Variants in MINPP1 observed in about 807,000 individuals in gnomAD.
MINPP1 encodes multiple inositol polyphosphate phosphatase 1.
In MINPP1, 28 loss-of-function variants were observed where a neutral mutation model predicts 46.1. The observed-to-expected ratio is 0.61, with a 90% CI of 0.45 to 0.83. MINPP1 has a LOEUF of 0.83. Ranked by LOEUF, MINPP1 falls within the 40% of genes least tolerant of loss-of-function variation. MINPP1 has a pLI of 0.00. For missense variants in MINPP1, 603 were observed against 610.0 expected (o/e 0.99, Z 0.12); for synonymous variants, 268 against 249.1 (o/e 1.08, Z -0.72).
At chr10:87,522,849 T>G (rs1851522023) in intron 4 of MINPP1, among the ~76,000 whole-genome samples, 1 of 152,210 alleles carries the variant, frequency 6.6e-6, no homozygotes, top group African/African-American at 2.4e-5. Context: ...TAATAACATT[T>G]TACCCACAGT....
At chr10:87,517,575 C>T (rs991646303) in intron 3 of MINPP1, among the ~76,000 whole-genome samples, 6 of 152,060 alleles carry the variant, frequency 3.9e-5, no homozygotes, top group South Asian at 2.1e-4. Context: ...CATATAGCTA[C>T]AATTTTTAAT....
chr10:87,529,586 TG>T (rs1206744233), intron 4 of MINPP1, among the ~76,000 whole-genome samples: 2 of 152,258 alleles, frequency 1.3e-5, no homozygotes, highest in East Asian at 3.8e-4. Context: ...GTTAGTCTGA[TG>T]GGCTTCCCTT....
rs1214311389 is a variant in MINPP1, at chr10:87,505,622, C to T, written c.637+70C>T. On this transcript the variant is annotated intron_variant, in intron 1 of 4. Coordinates refer to ENST00000371996, the MANE Select transcript of MINPP1 (RefSeq NM_004897.5). This position sits in a 1 kb window ranked among gnomAD's most constrained non-coding sequence, Gnocchi z 4.4. ...GCCCTGGATGCTCTCCCGCCTCCCC[C>T]AGACCCTGGGCTTTTCCGATGCCCC... 1 of 1,463,300 alleles carries T rather than the reference C, an allele frequency of 6.8e-7. No individual in the cohort carries two copies. Among genetic ancestry groups the T allele is most frequent in the African/African-American group, 1.4e-5 (1 of 71,784 alleles). 90.6% of individuals were successfully genotyped at this position (1,463,300 alleles called of 1,614,324 possible). A position where few individuals can be genotyped will look rare whatever the true frequency, so the allele number is the denominator to read the frequency against.
At chr10:87,538,014 A>G (rs1470587942) in intron 4 of MINPP1, among the ~76,000 whole-genome samples, 1 of 151,558 alleles carries the variant, frequency 6.6e-6, no homozygotes, top group Non-Finnish European at 1.5e-5. Context: ...TGTGTTGCCC[A>G]GGCTGGTCTC....
intron 3 of MINPP1, among the ~76,000 whole-genome samples, chr10:87,514,662 C>G (rs932381075): frequency 3.3e-5 from 5 of 152,128 alleles, no homozygotes; most frequent in African/African-American, 7.2e-5. Context: ...AGTGATATAT[C>G]CTTCTCAGTG....
At chr10:87,506,255 C>G (rs879768201) in intron 1 of MINPP1, among the ~76,000 whole-genome samples, 4 of 151,824 alleles carry the variant, frequency 2.6e-5, no homozygotes, top group African/African-American at 4.8e-5. Context: ...AGTAAGGCCC[C>G]GTTATTTCAC....
At chr10:87,534,042 ATTTTTTTT>A (rs58579107) in intron 4 of MINPP1, among the ~76,000 whole-genome samples, 4 of 55,374 alleles carry the variant, frequency 7.2e-5, no homozygotes, top group Non-Finnish European at 1.3e-4. Context: ...CTGGCTAAAT[ATTTTTTTT>A]TTTTTTTTTT....
intron 4 of MINPP1, among the ~76,000 whole-genome samples, chr10:87,540,016 G>A (rs948477904): frequency 1.3e-5 from 2 of 152,148 alleles, no homozygotes; most frequent in South Asian, 2.1e-4. Context: ...ACAGGCATGC[G>A]CCACAGCGCC....
chr10:87,529,204 T>G (rs1157583564), intron 4 of MINPP1, among the ~76,000 whole-genome samples: 1 of 152,240 alleles, frequency 6.6e-6, no homozygotes, highest in Non-Finnish European at 1.5e-5. Flanking sequence ...ATTTAGCCCA[T>G]TTACATTTAA....
chr10:87,542,844 G>C (rs930364677), intron 4 of MINPP1, among the ~76,000 whole-genome samples: 1 of 152,106 alleles, frequency 6.6e-6, no homozygotes, highest in Middle Eastern at 3.2e-3. Flanking sequence ...TTGGTACCAA[G>C]GCATGGGGCA....
chr10:87,518,489 C>G (rs1851446655), intron 3 of MINPP1, among the ~76,000 whole-genome samples: 1 of 151,914 alleles, frequency 6.6e-6, no homozygotes, highest in African/African-American at 2.4e-5. Flanking sequence ...TTCCTTTACT[C>G]TCACACCACC....
Position 87,505,077 on chromosome 10 carries a change from G to A in MINPP1, c.162G>A (p.Glu54=), listed in dbSNP as rs375447176. The A allele has an allele frequency of 6.2e-7, 1 of 1,613,652 alleles. No homozygotes were observed. Among genetic ancestry groups the A allele is most frequent in the African/African-American group, 1.3e-5 (1 of 75,060 alleles). ...ATTTCGGCACCAAGACTCGCTACGA[G>A]GATGTCAACCCCGTGCTATTGTCGG... is the stretch of plus-strand genomic sequence containing the variant. ...SPYFGTKTRY[E]DVNPVLLSGP... Residue 54 remains glutamate (E), a synonymous_variant, in exon 1 of 5, where the codon GAG becomes GAA. Transcript: ENST00000371996. This position sits in a 1 kb window ranked among gnomAD's most constrained non-coding sequence, Gnocchi z 4.4.
chr10:87,541,260 C>A (rs970578173), intron 4 of MINPP1, among the ~76,000 whole-genome samples: 2 of 151,938 alleles, frequency 1.3e-5, no homozygotes, highest in African/African-American at 4.8e-5. Context: ...TTTTTATATA[C>A]CCGAGTTTGA....
intron 4 of MINPP1, among the ~76,000 whole-genome samples, chr10:87,536,420 G>A (rs1262776346): frequency 6.6e-6 from 1 of 151,892 alleles, no homozygotes; most frequent in Non-Finnish European, 1.5e-5. Context: ...ACTCGATTGA[G>A]GTATAATTCA....
intron 3 of MINPP1, among the ~76,000 whole-genome samples, chr10:87,519,190 TATC>T (rs1851458294): frequency 6.6e-6 from 1 of 152,140 alleles, no homozygotes. Context: ...AATATATACA[TATC>T]ATAATACCAC....
intron 4 of MINPP1, chr10:87,546,497 C>T (rs975625766): frequency 6.6e-6 from 1 of 152,182 alleles, no homozygotes; most frequent in Non-Finnish European, 1.5e-5. Context: ...CACGTTCTGC[C>T]GAATTATCTC....
At chr10:87,524,955 AAAT>A in intron 4 of MINPP1, among the ~76,000 whole-genome samples, 1 of 59,604 alleles carries the variant, frequency 1.7e-5, no homozygotes, top group South Asian at 6.3e-4. Context: ...TGTATTACTA[AAAT>A]GTGATACATT....
chr10:87,527,054 TTAAAG>T (rs1162231238), intron 4 of MINPP1, among the ~76,000 whole-genome samples: 3 of 152,220 alleles, frequency 2.0e-5, no homozygotes, highest in African/African-American at 7.2e-5. Flanking sequence ...CATGCGAACT[TTAAAG>T]TAGTTTTTTC....
intron 4 of MINPP1, among the ~76,000 whole-genome samples, chr10:87,529,710 T>C (rs1404774030): frequency 6.6e-6 from 1 of 152,200 alleles, no homozygotes; most frequent in East Asian, 1.9e-4. Context: ...AGGAGTATCT[T>C]TGTGGCGTTC....
Sources: gnomAD v4.1 joint callset for allele counts (sites outside exome capture counted in the v4.1 genomes callset) on GRCh38, gnomAD v4.1.1 for gene constraint, Gnocchi (gnomAD v3.1) non-coding constraint, MANE v1.5 for transcripts, NCBI Gene and HGNC (gene_info 2026-07-23, HGNC 2026-07-21) for gene names.